Variants in EML1 observed in about 807,000 individuals in gnomAD.
EML1 encodes echinoderm microtubule-associated protein-like 1.
In EML1, 27 loss-of-function variants were observed where a neutral mutation model predicts 110.4. The ratio of observed to expected loss-of-function variants is 0.24; its 90% confidence interval spans 0.18 to 0.34. The LOEUF (loss-of-function observed/expected upper bound fraction) is 0.34. EML1 is among the 10% of genes least tolerant of loss of function. EML1 has a pLI of 1.00. For synonymous variants in EML1, 344 were observed against 385.8 expected (o/e 0.89, Z 1.27); for missense variants, 741 against 1,030.9 (o/e 0.72, Z 3.85).
chr14:99,750,793 C>A (rs540823883), intron 1 of EML1, among the ~76,000 whole-genome samples: 1 of 152,042 alleles, frequency 6.6e-6, no homozygotes, highest in Non-Finnish European at 1.5e-5. Context: ...GTCACCTCCA[C>A]CACCCCGAGT....
intron 1 of EML1, among the ~76,000 whole-genome samples, chr14:99,823,560 G>T (rs1030343561): frequency 1.3e-5 from 2 of 152,118 alleles, no homozygotes; most frequent in Non-Finnish European, 2.9e-5. Flanking sequence ...TCTGGTTAGA[G>T]CCTGGACCGT....
intron 1 of EML1, among the ~76,000 whole-genome samples, chr14:99,738,899 C>T (rs1400108293): frequency 6.6e-6 from 1 of 152,144 alleles, no homozygotes; most frequent in Non-Finnish European, 1.5e-5. Flanking sequence ...GATTCCTTCT[C>T]CATAAAACCC....
chr14:99,864,865 T>C (rs2059067635), intron 2 of EML1, among the ~76,000 whole-genome samples: 1 of 152,110 alleles, frequency 6.6e-6, no homozygotes, highest in East Asian at 1.9e-4. Context: ...CTTCATACCT[T>C]TGTCAGTGCT....
At chr14:99,774,673 C>A (rs1181924689) in intron 1 of EML1, among the ~76,000 whole-genome samples, 1 of 152,166 alleles carries the variant, frequency 6.6e-6, no homozygotes, top group Non-Finnish European at 1.5e-5. Flanking sequence ...GACGTTTGCA[C>A]CCTTGGGCGG....
intron 16 of EML1, among the ~76,000 whole-genome samples, chr14:99,919,082 C>T (rs937095486): frequency 6.6e-6 from 1 of 152,142 alleles, no homozygotes. Flanking sequence ...CACTGAGGAT[C>T]GAAGGAGACA....
intron 2 of EML1, among the ~76,000 whole-genome samples, chr14:99,855,545 T>G (rs1298236687): frequency 6.6e-6 from 1 of 152,224 alleles, no homozygotes; most frequent in African/African-American, 2.4e-5. Flanking sequence ...AAAATGTAGA[T>G]GAAAATATAG....
At chr14:99,822,790 A>C (rs1461959014) in intron 1 of EML1, among the ~76,000 whole-genome samples, 1 of 152,110 alleles carries the variant, frequency 6.6e-6, no homozygotes. Context: ...GAGGAAGCCC[A>C]CTTGGAGGGG....
upstream of EML1, among the ~76,000 whole-genome samples, chr14:99,790,865 C>CTTTTT (rs763959981): frequency 1.7e-4 from 23 of 138,520 alleles, no homozygotes; most frequent in East Asian, 1.0e-3. Context: ...TTTTTCTTTT[C>CTTTTT]CTTTTTTTTT....
intron 1 of EML1, among the ~76,000 whole-genome samples, chr14:99,760,438 T>C (rs7150911): frequency 0.36 from 55,061 of 152,042 alleles, 12,154 homozygotes; most frequent in Admixed American, 0.51. Flanking sequence ...CTGCGGAACA[T>C]GGAGTGAAAT....
At chr14:99,804,704 A>G (rs1432261000) in intron 1 of EML1, among the ~76,000 whole-genome samples, 1 of 152,220 alleles carries the variant, frequency 6.6e-6, no homozygotes, top group Non-Finnish European at 1.5e-5. Flanking sequence ...ATGGTTTACA[A>G]GTGCAGAGCA....
intron 8 of EML1, among the ~76,000 whole-genome samples, chr14:99,900,165 C>T (rs978664802): frequency 2.0e-5 from 3 of 148,766 alleles, no homozygotes; most frequent in Non-Finnish European, 4.4e-5. Context: ...CCTGTTTTGC[C>T]CAAGAATATT....
chr14:99,825,999 G>A (rs1441190959), intron 1 of EML1, among the ~76,000 whole-genome samples: 4 of 152,036 alleles, frequency 2.6e-5, no homozygotes, highest in African/African-American at 2.4e-5. Flanking sequence ...TTGGTGGGCC[G>A]TTGTACAACA....
Position 99,939,306 on chromosome 14 carries a change from A to G in EML1, c.2301A>G (p.Ser767=). The part of the protein sequence containing the change: ...GDDFGKVHLF[S]YPCSQFRAPS... ...ACTTTGGCAAAGTGCACCTCTTCTC[A>G]TACCCCTGCTCGCAGTTCAGGGTAA... Residue 767 remains serine (S), a synonymous_variant, in exon 21 of 22, where the codon TCA becomes TCG. Coordinates refer to ENST00000262233, the MANE Select transcript of EML1 (RefSeq NM_004434.3). The surrounding 1 kb of genome is among the most constrained non-coding windows in gnomAD (Gnocchi z 4.2). The G allele has an allele frequency of 2.5e-6, 4 of 1,614,208 alleles. No individual in the cohort carries two copies. The highest frequency in any genetic ancestry group is 2.2e-5 in the South Asian group (2 of 91,080).
At chr14:99,833,635 T>G (rs1468128430) in intron 1 of EML1, among the ~76,000 whole-genome samples, 1 of 152,206 alleles carries the variant, frequency 6.6e-6, no homozygotes, top group Non-Finnish European at 1.5e-5. Flanking sequence ...ACACGGTATA[T>G]CTCTCTGTTT....
chr14:99,773,334 A>T (rs2057445635), exon 1 of EML1: 1 of 152,012 alleles, frequency 6.6e-6, no homozygotes, highest in South Asian at 2.1e-4. Flanking sequence ...TTCATGACAA[A>T]CTCCCTCTAC....
intron 17 of EML1, among the ~76,000 whole-genome samples, chr14:99,928,307 G>A (rs945557305): frequency 1.6e-4 from 24 of 151,358 alleles, no homozygotes; most frequent in African/African-American, 5.8e-4. Flanking sequence ...GTTCCTGTCT[G>A]TTATATTAGG....
At position 99,907,665 on chromosome 14, in the gene EML1, G is replaced by A; in HGVS notation, c.1036G>A (p.Asp346Asn). 6.2e-7 allele frequency: 1 copy of A among 1,614,164 alleles called. No individual in the cohort carries two copies. Among genetic ancestry groups the A allele is most frequent in the Non-Finnish European group, 8.5e-7 (1 of 1,180,026 alleles). The change falls in exon 10 of 22, where the codon GAT becomes AAT. Residue 346 changes from aspartate (D) to asparagine (N), a missense_variant. Asp to Asn is a conservative substitution (Grantham distance 23, BLOSUM62 1). Coordinates refer to ENST00000262233, the MANE Select transcript of EML1 (RefSeq NM_004434.3). Reference sequence around the variant, plus strand: ...TGGAGGAACCAATCTCTGTGCTGTGGATGACTCCAACGACCATGTGCTCTC... The same window carrying A: ...TGGAGGAACCAATCTCTGTGCTGTGAATGACTCCAACGACCATGTGCTCTC... ...SNGGTNLCAV[D>N]DSNDHVLSVW...
intron 1 of EML1, among the ~76,000 whole-genome samples, chr14:99,764,591 C>T (rs982070494): frequency 2.6e-5 from 4 of 152,162 alleles, no homozygotes; most frequent in Non-Finnish European, 4.4e-5. Flanking sequence ...TGCAGGTTGG[C>T]GAACAGATGA....
At chr14:99,744,667 A>G (rs569283182) in intron 1 of EML1, among the ~76,000 whole-genome samples, 2 of 152,390 alleles carry the variant, frequency 1.3e-5, no homozygotes, top group South Asian at 2.1e-4. Flanking sequence ...TGCAAATCAT[A>G]ACGCCAGGGG....
Sources: gnomAD v4.1 joint callset for allele counts (sites outside exome capture counted in the v4.1 genomes callset) on GRCh38, gnomAD v4.1.1 for gene constraint, Gnocchi (gnomAD v3.1) non-coding constraint, MANE v1.5 for transcripts, NCBI Gene and HGNC (gene_info 2026-07-23, HGNC 2026-07-21) for gene names.